Variants in CNTN5 observed in about 807,000 individuals in gnomAD.
The protein encoded by CNTN5 is contactin 5, also known as contactin-5.
CNTN5 carries 77 observed loss-of-function variants against 129.1 expected under a neutral mutation model. That is an observed-to-expected ratio of 0.60 (90% confidence interval 0.50 to 0.72). The LOEUF is 0.72. Among genes scored for constraint, CNTN5 ranks in the 30% least tolerant of loss-of-function variants. The probability of loss-of-function intolerance (pLI) is 0.00; values close to 1 mark genes in which losing one functional copy is unlikely to be tolerated. For missense variants in CNTN5, 1,478 were observed against 1,328.8 expected (o/e 1.11, Z -1.75); for synonymous variants, 509 against 465.6 (o/e 1.09, Z -1.20).
At chr11:100,036,584 T>G (rs762856162) in intron 9 of CNTN5, among the ~76,000 whole-genome samples, 1,921 of 146,524 alleles carry the variant, frequency 0.013, 20 homozygotes, top group Non-Finnish European at 0.019. Context: ...ATGATATTGA[T>G]TCTTCCTACC....
chr11:100,190,982 TCTA>T (rs1948467147), intron 13 of CNTN5, 141 bp from the exon 14 acceptor site: 3 of 476,892 alleles, frequency 6.3e-6, no homozygotes, highest in South Asian at 4.7e-5. Context: ...GTAAAATATT[TCTA>T]CTATCACTGC....
intron 3 of CNTN5, among the ~76,000 whole-genome samples, chr11:99,685,143 T>C (rs893143285): frequency 1.3e-5 from 2 of 151,740 alleles, no homozygotes; most frequent in South Asian, 2.1e-4. Flanking sequence ...TTCATTATAA[T>C]TTTTTCTTTA....
chr11:99,551,493 G>A (rs1271851947), intron 2 of CNTN5, among the ~76,000 whole-genome samples: 1 of 152,100 alleles, frequency 6.6e-6, no homozygotes, highest in South Asian at 2.1e-4. Context: ...GATTGTGTAG[G>A]TAAAGTGCTT....
chr11:100,238,603 G>C (rs1327942047), intron 16 of CNTN5, among the ~76,000 whole-genome samples: 1 of 151,636 alleles, frequency 6.6e-6, no homozygotes, highest in Non-Finnish European at 1.5e-5. Context: ...AAGAAGAAGA[G>C]GGGAAAATAA....
chr11:100,309,889 G>C (rs955510042), intron 21 of CNTN5, among the ~76,000 whole-genome samples: 1 of 151,758 alleles, frequency 6.6e-6, no homozygotes, highest in East Asian at 1.9e-4. Flanking sequence ...ACATTGCTTG[G>C]AAAGTGACCT....
At chr11:99,810,591 T>C (rs1946400032) in intron 3 of CNTN5, among the ~76,000 whole-genome samples, 1 of 152,136 alleles carries the variant, frequency 6.6e-6, no homozygotes, top group Admixed American at 6.6e-5. Flanking sequence ...TTTCAAACTC[T>C]CATATGCCAT....
intron 9 of CNTN5, among the ~76,000 whole-genome samples, chr11:100,047,842 G>A (rs1591128266): frequency 6.6e-6 from 1 of 151,778 alleles, no homozygotes; most frequent in African/African-American, 2.4e-5. Context: ...TTTTTATAAA[G>A]AAAAAAGAGG....
At chr11:99,567,027 A>T (rs1949027347) in intron 3 of CNTN5, among the ~76,000 whole-genome samples, 1 of 152,194 alleles carries the variant, frequency 6.6e-6, no homozygotes, top group South Asian at 2.1e-4. Flanking sequence ...TAAATTTATA[A>T]ATCTTAGAAT....
intron 21 of CNTN5, among the ~76,000 whole-genome samples, chr11:100,331,157 A>T (rs1004375722): frequency 1.3e-5 from 2 of 152,192 alleles, no homozygotes; most frequent in African/African-American, 4.8e-5. Context: ...ATGCAAATGG[A>T]TATCAAAAGT....
rs576891139 is a variant in CNTN5 at position 99,436,385 on chromosome 11, A to G, written c.-71+110901A>G. On this transcript the variant is annotated intron_variant, in intron 2 of 24. Transcript: ENST00000524871. ...CAGATCCACAATGAGACTACTGTGC[A>G]TCATGTTATCGTCTCTAACTCTGCT... Among the ~76,000 whole-genome samples the G allele has an allele frequency of 7.5e-4, 114 of 152,170 alleles. 2 individuals carry two copies. Among genetic ancestry groups the G allele is most frequent in the Non-Finnish European group, 1.4e-3 (93 of 67,992 alleles).
rs561899292 is a variant in CNTN5 at position 99,887,098 on chromosome 11, ATAT to A, written c.578-28952_578-28950del. Among the ~76,000 whole-genome samples, 37 of 152,280 alleles carry A rather than the reference ATAT, an allele frequency of 2.4e-4. No individual in the cohort carries two copies. The South Asian group carries it at 5.0e-3, about 20-fold the overall frequency. On this transcript the variant is annotated intron_variant, in intron 6 of 24. Transcript: ENST00000524871. ...TGTTACATACATGATTTTGATGATA[ATAT>A]TATATAATTATTGTGTGGTTAAAAC...
intron 3 of CNTN5, among the ~76,000 whole-genome samples, chr11:99,615,770 A>C (rs74641269): frequency 1.4e-5 from 2 of 143,850 alleles, no homozygotes; most frequent in Non-Finnish European, 3.1e-5. Flanking sequence ...TTTTTTTTTT[A>C]ATTTTTTTTG....
chr11:99,183,784 T>G (rs1858203526), intron 1 of CNTN5, among the ~76,000 whole-genome samples: 1 of 152,114 alleles, frequency 6.6e-6, no homozygotes, highest in Non-Finnish European at 1.5e-5. Flanking sequence ...TCCACACCCA[T>G]GTAGCTAACT....
intron 21 of CNTN5, among the ~76,000 whole-genome samples, chr11:100,334,714 T>C (rs1197582367): frequency 1.3e-5 from 2 of 152,136 alleles, no homozygotes; most frequent in Non-Finnish European, 2.9e-5. Flanking sequence ...CTCACTCATA[T>C]ACGAACTAAG....
intron 2 of CNTN5, among the ~76,000 whole-genome samples, chr11:99,544,808 C>G (rs925050603): frequency 7.9e-5 from 12 of 152,290 alleles, no homozygotes; most frequent in African/African-American, 2.9e-4. Flanking sequence ...CTTTACTTTC[C>G]TTACTAGTTC....
At chr11:99,598,371 T>TCC (rs1236156522) in intron 3 of CNTN5, among the ~76,000 whole-genome samples, 2 of 9,138 alleles carry the variant, frequency 2.2e-4, no homozygotes, top group African/African-American at 9.0e-4. Context: ...TCTCTCTCTC[T>TCC]CTCCCTCTCT....
chr11:99,670,162 A>G (rs1234497558), intron 3 of CNTN5, among the ~76,000 whole-genome samples: 6 of 152,142 alleles, frequency 3.9e-5, no homozygotes, highest in African/African-American at 7.2e-5. Context: ...CCCACTATTT[A>G]TGTATTAAAT....
chr11:99,249,328 C>T (rs932087584), intron 1 of CNTN5, among the ~76,000 whole-genome samples: 2 of 152,084 alleles, frequency 1.3e-5, no homozygotes, highest in Non-Finnish European at 1.5e-5. Context: ...TATCCTGAGA[C>T]TTTGCTGAAG....
intron 18 of CNTN5, among the ~76,000 whole-genome samples, chr11:100,293,748 A>G (rs1366026247): frequency 1.3e-5 from 2 of 151,756 alleles, no homozygotes; most frequent in Admixed American, 6.6e-5. Flanking sequence ...TCTCACTCCC[A>G]CAAGAAAACC....
Sources: gnomAD v4.1 joint callset for allele counts (sites outside exome capture counted in the v4.1 genomes callset) on GRCh38, gnomAD v4.1.1 for gene constraint, MANE v1.5 for transcripts, NCBI Gene and HGNC (gene_info 2026-07-23, HGNC 2026-07-21) for gene names.